The following JOSD2 variants were observed in gnomAD, a reference collection of about 807,000 sequenced individuals.
The protein encoded by JOSD2 is Josephin domain containing 2.
In JOSD2, 20 loss-of-function variants were observed where a neutral mutation model predicts 19.3. The observed-to-expected ratio is 1.04, with a 90% CI of 0.73 to 1.51. The LOEUF is 1.51. Ranked by LOEUF, JOSD2 falls within the 40% of genes most tolerant of loss-of-function variation. The pLI, the probability that JOSD2 is intolerant of heterozygous loss-of-function variation, is 0.00. For synonymous variants in JOSD2, 118 were observed against 123.7 expected (o/e 0.95, Z 0.31); for missense variants, 215 against 250.4 (o/e 0.86, Z 0.95).
chr19:50,507,695 C>A lies in JOSD2; in HGVS notation c.151G>T (p.Ala51Ser), dbSNP rs769747807. ...EAADEICKRL[A>S]PDSRLNPHRS... ...TGAGGGTTCAGCCGGGAGTCTGGGG[C>A]CAACCTGGTAGTGGGGGTGGCCAGA... Residue 51 changes from alanine (A) to serine (S), a missense_variant, in exon 3 of 5, where the codon GCC becomes TCC. Coordinates refer to ENST00000598418, the MANE Select transcript of JOSD2 (RefSeq NM_001270639.2). The A allele has an allele frequency of 6.2e-7, 1 of 1,610,602 alleles. No individual in the cohort carries two copies. Among genetic ancestry groups the A allele is most frequent in the Non-Finnish European group, 8.5e-7 (1 of 1,179,274 alleles).
intron 3 of JOSD2, 125 bp downstream of exon 3, chr19:50,507,449 C>G: frequency 7.4e-7 from 1 of 1,346,066 alleles, no homozygotes; most frequent in Non-Finnish European, 1.0e-6. Context: ...CCCATCAGTG[C>G]CAGGCTTCCC....
intron 2 of JOSD2, chr19:50,508,054 C>T (rs1979494275): frequency 2.7e-6 from 1 of 370,488 alleles, no homozygotes; most frequent in African/African-American, 2.1e-5. Context: ...TGACTCTGCC[C>T]TGTCCCCAAG....
intron 3 of JOSD2, 83 bp downstream of exon 3, chr19:50,507,491 C>T: frequency 6.7e-7 from 1 of 1,501,956 alleles, no homozygotes. Flanking sequence ...AGCCACATTC[C>T]CCTCCCTGCC....
Position 50,507,570 on chromosome 19 carries a change from CT to C in JOSD2, c.272+3del. The C allele has an allele frequency of 6.2e-7, 1 of 1,602,662 alleles. No homozygotes were observed. The highest frequency in any genetic ancestry group is 8.5e-7 in the Non-Finnish European group (1 of 1,179,120). ...AGCACATGCTGTGCTGCTCTGGGGC[CT>C]ACCTCCTCCTGTCCCACCACACGGC... On this transcript the variant is annotated splice_donor_region_variant and intron_variant, in intron 3 of 4. Coordinates refer to ENST00000598418, the MANE Select transcript of JOSD2 (RefSeq NM_001270639.2).
chr19:50,506,678 GC>G, intron 3 of JOSD2, 106 bp from the exon 4 acceptor site: 1 of 1,043,144 alleles, frequency 9.6e-7, no homozygotes, highest in Non-Finnish European at 1.4e-6. Context: ...GGCCTCCTGA[GC>G]CCACCCAGAG....
intron 1 of JOSD2, 133 bp from the exon 2 acceptor site, chr19:50,510,581 C>A: frequency 1.3e-6 from 1 of 769,936 alleles, no homozygotes; most frequent in Non-Finnish European, 2.0e-6. Context: ...GGGCCCCTGA[C>A]CCCGCTCCCT....
At position 50,506,475 on chromosome 19, in the gene JOSD2, G is replaced by A. The variant is rs771312902; in HGVS notation, c.370C>T (p.Arg124Trp). 5.7e-5 allele frequency: 89 copies of A among 1,575,204 alleles called. No homozygotes were observed. Among genetic ancestry groups the A allele is most frequent in the African/African-American group, 2.3e-4 (17 of 73,850 alleles). ...ACCTGGCGCAGGGCCACCCAGTGCC[G>A]CCGGCGCAGCGGCAGTGACAGCAGC... ...LGLLSLPLRR[R>W]HWVALRQVDG... Residue 124 changes from arginine (R) to tryptophan (W), a missense_variant, in exon 4 of 5, where the codon CGG becomes TGG. Physicochemically the swap from Arg to Trp is moderately radical, Grantham distance 101. Transcript: ENST00000598418.
intron 1 of JOSD2, 126 bp from the exon 2 acceptor site, chr19:50,510,574 C>T (rs893198524): frequency 1.8e-5 from 15 of 818,704 alleles, no homozygotes; most frequent in African/African-American, 1.0e-4. Context: ...AGACACTGGG[C>T]CCCTGACCCC....
At chr19:50,507,116 C>T (rs946673486) in intron 3 of JOSD2, among the ~76,000 whole-genome samples, 1 of 113,284 alleles carries the variant, frequency 8.8e-6, no homozygotes, top group Non-Finnish European at 1.7e-5. Context: ...ACCCACCCAC[C>T]CACACAGCCG....
chr19:50,506,437 G>C lies in JOSD2; in HGVS notation c.408C>G (p.Tyr136Ter). 6.2e-7 allele frequency: 1 copy of C among 1,601,902 alleles called. No individual in the cohort carries two copies. The highest frequency in any genetic ancestry group is 2.3e-5 in the East Asian group (1 of 44,242). Reference sequence around the variant, plus strand: ...CCCGCAGCTTGGAGTCCAGGTTGTAGTAGACACCGTCCACCTGGCGCAGGG... The same window carrying C: ...CCCGCAGCTTGGAGTCCAGGTTGTACTAGACACCGTCCACCTGGCGCAGGG... The part of the protein sequence containing the change: ...WVALRQVDGV[Y>*]YNLDSKLRAP... The change falls in exon 4 of 5, where the codon TAC becomes TAG. Residue 136 changes from tyrosine to a stop codon, truncating the protein, a stop_gained. Transcript: ENST00000598418. LOFTEE classifies it high-confidence loss of function.
chr19:50,511,092 C>T (rs1028714833), intron 1 of JOSD2, 25 bp downstream of exon 1: 2 of 453,304 alleles, frequency 4.4e-6, no homozygotes, highest in South Asian at 1.6e-5. Context: ...ACGGCGCTCG[C>T]CCTTTGCCTG....
intron 2 of JOSD2, 112 bp downstream of exon 2, chr19:50,510,174 G>T: frequency 7.7e-7 from 1 of 1,298,442 alleles, no homozygotes; most frequent in Non-Finnish European, 1.1e-6. Context: ...AGGCAAGTGA[G>T]CGCGGAGCAG....
At chr19:50,510,811 C>A (rs1200199288) in intron 1 of JOSD2, among the ~76,000 whole-genome samples, 1 of 151,322 alleles carries the variant, frequency 6.6e-6, no homozygotes, top group Non-Finnish European at 1.5e-5. Flanking sequence ...CTCCCCACCG[C>A]ACTAGGTAAC....
Position 50,507,668 on chromosome 19 carries a change from G to C in JOSD2, c.178C>G (p.Arg60Gly). 6.2e-7 allele frequency: 1 copy of C among 1,612,146 alleles called. No individual in the cohort carries two copies. The change falls in exon 3 of 5, where the codon CGC becomes GGC. Residue 60 changes from arginine (R) to glycine (G), a missense_variant. Coordinates refer to ENST00000598418, the MANE Select transcript of JOSD2 (RefSeq NM_001270639.2). ...TAGTTGCCGGTGCCCAGGAGGCTGC[G>C]ATGAGGGTTCAGCCGGGAGTCTGGG... is the stretch of plus-strand genomic sequence containing the variant. ...LAPDSRLNPH[R>G]SLLGTGNYDV... is the part of the protein sequence containing the mutation.
At position 50,506,364 on chromosome 19, in the gene JOSD2, T is replaced by C; in HGVS notation, c.467+14A>G. ...TCAGGCCCCTGGTCTTGGAATCGCCTCTGTGGGGCTCACCTGACTCCGTCC... is the reference window on the plus strand; with the variant it reads ...TCAGGCCCCTGGTCTTGGAATCGCCCCTGTGGGGCTCACCTGACTCCGTCC... On this transcript the variant is annotated intron_variant, in intron 4 of 4. Transcript: ENST00000598418. The C allele has an allele frequency of 6.2e-7, 1 of 1,604,608 alleles. No homozygotes were observed.
chr19:50,510,317 TA>T lies in JOSD2; in HGVS notation c.114del (p.Phe38LeufsTer19). The T allele has an allele frequency of 1.9e-6, 3 of 1,613,464 alleles. No individual in the cohort carries two copies. Among genetic ancestry groups the T allele is most frequent in the Non-Finnish European group, 2.5e-6 (3 of 1,179,990 alleles). ...CAGATCTCATCGGCAGCCTCCTGGC[TA>T]AAGAGCTGCTGCTGCAGAACGTTGT... ...ALNNVLQQQLFSQEAADEICK... is the reference protein window; with the variant it reads ...ALNNVLQQQLXSQEAADEICK... On this transcript the variant is annotated frameshift_variant, in exon 2 of 5. Transcript: ENST00000598418. LOFTEE classifies it high-confidence loss of function.
chr19:50,507,678 C>T lies in JOSD2; in HGVS notation c.168G>A (p.Leu56=). Residue 56 remains leucine (L), a synonymous_variant, in exon 3 of 5, where the codon CTG becomes CTA. Transcript: ENST00000598418. ...TGCCCAGGAGGCTGCGATGAGGGTTCAGCCGGGAGTCTGGGGCCAACCTGG... is the reference window on the plus strand; with the variant it reads ...TGCCCAGGAGGCTGCGATGAGGGTTTAGCCGGGAGTCTGGGGCCAACCTGG... ...ICKRLAPDSR[L]NPHRSLLGTG... is the part of the protein sequence containing the mutation. The T allele has an allele frequency of 6.2e-7, 1 of 1,612,012 alleles. No individual in the cohort carries two copies. The highest frequency in any genetic ancestry group is 8.5e-7 in the Non-Finnish European group (1 of 1,179,804).
chr19:50,510,489 A>G (rs758593015), intron 1 of JOSD2, 41 bp from the exon 2 acceptor site: 1 of 1,533,130 alleles, frequency 6.5e-7, no homozygotes, highest in African/African-American at 1.4e-5. Context: ...GGGGCCCGGG[A>G]TCTAGAGGTC....
intron 2 of JOSD2, among the ~76,000 whole-genome samples, chr19:50,509,103 A>ATTT (rs34345488): frequency 0.016 from 1,812 of 115,118 alleles, 60 homozygotes; most frequent in African/African-American, 0.035. Flanking sequence ...TAAAGGAGTG[A>ATTT]TTTTTTTTTT....
Sources: gnomAD v4.1 joint callset for allele counts (sites outside exome capture counted in the v4.1 genomes callset) on GRCh38, gnomAD v4.1.1 for gene constraint, MANE v1.5 for transcripts, NCBI Gene and HGNC (gene_info 2026-07-23, HGNC 2026-07-21) for gene names.